The following KHDRBS3 variants were observed in gnomAD, a reference collection of about 807,000 sequenced individuals.
The protein encoded by KHDRBS3 is KH RNA binding domain containing, signal transduction associated 3, also known as KH domain-containing, RNA-binding, signal transduction-associated protein 3.
A neutral mutation model predicts 45.6 loss-of-function variants in KHDRBS3; 23 were observed. The ratio of observed to expected loss-of-function variants is 0.50; its 90% confidence interval spans 0.36 to 0.72. The LOEUF (loss-of-function observed/expected upper bound fraction) is 0.72. Among genes scored for constraint, KHDRBS3 ranks in the 30% least tolerant of loss-of-function variants. The probability of loss-of-function intolerance (pLI) is 0.00; values close to 1 mark genes in which losing one functional copy is unlikely to be tolerated. For synonymous variants in KHDRBS3, 162 were observed against 156.5 expected (o/e 1.04, Z -0.26); for missense variants, 352 against 424.8 (o/e 0.83, Z 1.51).
intron 4 of KHDRBS3, 117 bp from the exon 5 acceptor site, chr8:135,557,331 G>A (rs1007637469): frequency 8.5e-5 from 41 of 482,152 alleles, no homozygotes; most frequent in African/African-American, 6.7e-4. Context: ...ATTTTGTTTT[G>A]TAAATTCAAC....
At chr8:135,477,782 A>G (rs556573118) in intron 1 of KHDRBS3, among the ~76,000 whole-genome samples, 27 of 152,364 alleles carry the variant, frequency 1.8e-4, no homozygotes, top group Non-Finnish European at 2.8e-4. Flanking sequence ...AAGGATGTGC[A>G]GGAGTCAGTC....
intron 8 of KHDRBS3, among the ~76,000 whole-genome samples, chr8:135,646,228 A>T (rs1029698506): frequency 5.3e-5 from 8 of 152,052 alleles, no homozygotes; most frequent in African/African-American, 1.9e-4. Context: ...TGCAGCAGGG[A>T]TGTTAACTGT....
chr8:135,655,209 G>C (rs1831507438), intron 4 of KHDRBS3, among the ~76,000 whole-genome samples: 1 of 152,226 alleles, frequency 6.6e-6, no homozygotes, highest in African/African-American at 2.4e-5. Flanking sequence ...ATAACAGTTT[G>C]CATCTGATTC....
chr8:135,485,424 GA>G (rs1207951687), intron 1 of KHDRBS3, among the ~76,000 whole-genome samples: 1 of 152,142 alleles, frequency 6.6e-6, no homozygotes, highest in Non-Finnish European at 1.5e-5. Context: ...ATTTCAGCCA[GA>G]AGAGCCAAGG....
rs1236478895 is a variant in KHDRBS3 at position 135,603,402 on chromosome 8, AAAATCATCTC to A, written c.808-3549_808-3540del. Among the ~76,000 whole-genome samples the A allele has an allele frequency of 2.0e-5, 3 of 152,224 alleles. No homozygotes were observed. In the East Asian group the frequency reaches 5.8e-4, roughly 29 times the overall value. ...GCATTTTGCTACTTACCTGATAACCAAAATCATCTCAAAGTATTTGTTTGTTGTCTGATAG... is the reference window on the plus strand; with the variant it reads ...GCATTTTGCTACTTACCTGATAACCAAAAGTATTTGTTTGTTGTCTGATAG... On this transcript the variant is annotated intron_variant, in intron 6 of 8. Coordinates refer to ENST00000355849, the MANE Select transcript of KHDRBS3 (RefSeq NM_006558.3).
At chr8:135,479,740 A>C (rs1264591648) in intron 1 of KHDRBS3, among the ~76,000 whole-genome samples, 1 of 152,228 alleles carries the variant, frequency 6.6e-6, no homozygotes, top group Non-Finnish European at 1.5e-5. Context: ...ATCACCTTGC[A>C]AGTCAAGTTT....
At chr8:135,579,476 AG>A (rs1309722345) in intron 5 of KHDRBS3, among the ~76,000 whole-genome samples, 1 of 152,142 alleles carries the variant, frequency 6.6e-6, no homozygotes, top group African/African-American at 2.4e-5. Flanking sequence ...CTGGCATTAC[AG>A]GCGTGTATCA....
At chr8:135,468,411 T>G (rs1206750150) in intron 1 of KHDRBS3, among the ~76,000 whole-genome samples, 2 of 152,220 alleles carry the variant, frequency 1.3e-5, no homozygotes, top group Non-Finnish European at 2.9e-5. Flanking sequence ...CATGGACAGC[T>G]GGGAAGTAGA....
chr8:135,507,584 G>C (rs1177504996), intron 1 of KHDRBS3, among the ~76,000 whole-genome samples: 1 of 152,026 alleles, frequency 6.6e-6, no homozygotes, highest in Non-Finnish European at 1.5e-5. Context: ...CGTGTAACTT[G>C]CTTCAGCATG....
intron 2 of KHDRBS3, among the ~76,000 whole-genome samples, chr8:135,528,016 AT>A (rs1264331135): frequency 6.6e-6 from 1 of 152,148 alleles, no homozygotes; most frequent in Non-Finnish European, 1.5e-5. Flanking sequence ...TGTGATTGTG[AT>A]TCTCAAGGTT....
In KHDRBS3 at chr8:135,625,333, G is replaced by A. The variant is rs554012596; in HGVS notation, c.890+18296G>A. On this transcript the variant is annotated intron_variant, in intron 7 of 8. Transcript: ENST00000355849. ...GCAATTCAATGTTCTATAGCTTTCC[G>A]AAGTAGAAATCCCTCTCTTTCTCCA... is the stretch of plus-strand genomic sequence containing the variant. 89 of 1,025,626 alleles carry A rather than the reference G, an allele frequency of 8.7e-5. No homozygotes were observed. The African/African-American group carries it at 1.1e-3, about 13-fold the overall frequency. 63.5% of individuals were successfully genotyped at this position (1,025,626 alleles called of 1,614,324 possible).
intron 7 of KHDRBS3, among the ~76,000 whole-genome samples, chr8:135,609,548 G>A (rs1829623024): frequency 6.6e-6 from 1 of 152,004 alleles, no homozygotes; most frequent in South Asian, 2.1e-4. Context: ...GCCCACCTTG[G>A]CCTCCAAAAG....
intron 1 of KHDRBS3, among the ~76,000 whole-genome samples, chr8:135,486,213 T>G (rs1433631062): frequency 6.6e-6 from 1 of 152,176 alleles, no homozygotes; most frequent in Non-Finnish European, 1.5e-5. Context: ...CTTATTTTTC[T>G]CTTTAAAGGT....
intron 1 of KHDRBS3, among the ~76,000 whole-genome samples, chr8:135,516,495 G>A (rs1033054137): frequency 2.6e-5 from 4 of 151,818 alleles, no homozygotes; most frequent in African/African-American, 9.7e-5. Flanking sequence ...CTGTAATGTC[G>A]CTACATGATG....
rs543631663 is a variant in KHDRBS3, at chr8:135,483,414, G to A, written c.88+25460G>A. ...TTGTGGTTTGTAACTGCCCATGCTG[G>A]CTGTCATTGCCGTCAGATTGGGGTG... On this transcript the variant is annotated intron_variant, in intron 1 of 8. Transcript: ENST00000355849. Among the ~76,000 whole-genome samples, 4 of 152,178 alleles carry A rather than the reference G, an allele frequency of 2.6e-5. No homozygotes were observed. The East Asian group carries it at 5.8e-4, about 22-fold the overall frequency.
chr8:135,608,067 T>G (rs1406262457), intron 7 of KHDRBS3, among the ~76,000 whole-genome samples: 1 of 152,198 alleles, frequency 6.6e-6, no homozygotes, highest in African/African-American at 2.4e-5. Context: ...CGGAGCCCAG[T>G]GACTGGCATG....
At chr8:135,627,045 G>A (rs1586826949) in intron 7 of KHDRBS3, among the ~76,000 whole-genome samples, 1 of 152,046 alleles carries the variant, frequency 6.6e-6, no homozygotes, top group Non-Finnish European at 1.5e-5. Context: ...AAAAATACAG[G>A]GATACTCACA....
chr8:135,627,851 T>C (rs1050539081), intron 7 of KHDRBS3, among the ~76,000 whole-genome samples: 1 of 152,174 alleles, frequency 6.6e-6, no homozygotes, highest in African/African-American at 2.4e-5. Flanking sequence ...ATATCTCTTA[T>C]TATTCTGAGA....
At chr8:135,485,655 C>T (rs147997668) in intron 1 of KHDRBS3, among the ~76,000 whole-genome samples, 96 of 151,946 alleles carry the variant, frequency 6.3e-4, no homozygotes, top group African/African-American at 2.3e-3. Context: ...AAAATACCAG[C>T]TATTCCTGAG....
Sources: allele counts gnomAD v4.1 joint callset (sites outside exome capture counted in the v4.1 genomes callset), GRCh38; gene constraint gnomAD v4.1.1; transcripts MANE v1.5; gene names NCBI Gene and HGNC (gene_info 2026-07-23, HGNC 2026-07-21).